Variants in PIGT observed in about 807,000 individuals in gnomAD.
PIGT encodes the protein GPI-anchor transamidase component PIGT.
A neutral mutation model predicts 66.7 loss-of-function variants in PIGT; 57 were observed. The ratio of observed to expected loss-of-function variants is 0.86; its 90% CI spans 0.69 to 1.07. PIGT has a LOEUF of 1.07. Among genes scored for constraint, PIGT ranks in the 50% least tolerant of loss-of-function variants. PIGT has a pLI of 0.00. For synonymous variants in PIGT, 362 were observed against 320.5 expected (o/e 1.13, Z -1.38); for missense variants, 725 against 740.4 (o/e 0.98, Z 0.24).
In PIGT at chr20:45,416,187, G is replaced by C; in HGVS notation, c.31G>C (p.Val11Leu). Residue 11 changes from valine to leucine, a missense_variant, in exon 1 of 12, where the codon GTC (valine) becomes CTC (leucine). Physicochemically the swap from Val to Leu is conservative, Grantham distance 32 (BLOSUM62 1). Transcript: ENST00000279036. MAAAMPLALLVLLLLGPGGWC... is the reference protein window; with the variant it reads MAAAMPLALLLLLLLGPGGWC... ...GGCGGCTATGCCGCTTGCTCTGCTCGTCCTGTTGCTCCTGGGGCCCGGCGG... is the reference window on the plus strand; with the variant it reads ...GGCGGCTATGCCGCTTGCTCTGCTCCTCCTGTTGCTCCTGGGGCCCGGCGG... The C allele has an allele frequency of 6.3e-7, 1 of 1,585,634 alleles. No homozygotes were observed. Among genetic ancestry groups the C allele is most frequent in the Non-Finnish European group, 8.6e-7 (1 of 1,167,376 alleles).
chr20:45,416,748 G>C (rs1411181926), intron 2 of PIGT, 54 bp downstream of exon 2: 5 of 1,507,106 alleles, frequency 3.3e-6, no homozygotes, highest in Non-Finnish European at 3.6e-6. Context: ...GTGGCTGGGA[G>C]AGTGTTGTCA....
chr20:45,425,378 C>G lies in PIGT; in HGVS notation c.1485-196C>G, dbSNP rs1208266225. 5.1e-6 allele frequency: 3 copies of G among 590,256 alleles called. No individual in the cohort carries two copies. In the African/African-American group the frequency reaches 5.6e-5, roughly 11 times the overall value. 36.6% of individuals were successfully genotyped at this position (590,256 alleles called of 1,614,324 possible). ...TGCATTAGGTATTTGTCCTAATGCT[C>G]TCCCTCCCCTTGCCCCCCGCCCGCC... On this transcript the variant is annotated intron_variant, in intron 11 of 11. Coordinates refer to ENST00000279036, the MANE Select transcript of PIGT (RefSeq NM_015937.6).
intron 2 of PIGT, chr20:45,418,235 A>C (rs1369221391): frequency 6.2e-6 from 1 of 161,570 alleles, no homozygotes; most frequent in Non-Finnish European, 1.4e-5. Flanking sequence ...GAGTATACAC[A>C]GGGTAGTATG....
Position 45,425,580 on chromosome 20 carries a change from A to G in PIGT, c.1491A>G (p.Pro497=), listed in dbSNP as rs1990694139. The change falls in exon 12 of 12, where the codon CCA becomes CCG. Residue 497 remains proline (P), a synonymous_variant. Transcript: ENST00000279036. ...GCTCTTCCCCTGACCCCAGGTTCCC[A>G]GTCTCTGATGGCTCTAACTACTTTG... ...EESPLFNSLF[P]VSDGSNYFVR... is the part of the protein sequence containing the mutation. The G allele has an allele frequency of 6.2e-7, 1 of 1,613,510 alleles. No individual in the cohort carries two copies. Among genetic ancestry groups the G allele is most frequent in the Non-Finnish European group, 8.5e-7 (1 of 1,179,790 alleles).
At chr20:45,419,014 C>T (rs758740259) in intron 3 of PIGT, 35 bp downstream of exon 3, 1 of 1,613,544 alleles carries the variant, frequency 6.2e-7, no homozygotes, top group Admixed American at 1.7e-5. Context: ...CCTTCTTCCT[C>T]TTACCTCCTG....
chr20:45,424,610 T>C, intron 11 of PIGT, 31 bp downstream of exon 11: 1 of 1,567,492 alleles, frequency 6.4e-7, no homozygotes, highest in Non-Finnish European at 8.8e-7. Flanking sequence ...TGATAACACA[T>C]CCTCAGCTGC....
rs1404850410 is a variant in PIGT at position 45,421,389 on chromosome 20, C to A, written c.1040C>A (p.Pro347His). Residue 347 changes from proline (P) to histidine (H), a missense_variant, in exon 9 of 12, where the codon CCC becomes CAC. Pro to His is a moderately conservative substitution (Grantham distance 77, BLOSUM62 -2). Coordinates refer to ENST00000279036, the MANE Select transcript of PIGT (RefSeq NM_015937.6). Reference sequence around the variant, plus strand: ...TTGATATTTCTTTACACAGAGGCCCCCCCAGTGCCCTTCCTGCATGCCCAG... The same window carrying A: ...TTGATATTTCTTTACACAGAGGCCCACCCAGTGCCCTTCCTGCATGCCCAG... ...KWKRPPENEA[P>H]PVPFLHAQRY... 6.2e-7 allele frequency: 1 copy of A among 1,613,534 alleles called. No individual in the cohort carries two copies. The highest frequency in any genetic ancestry group is 8.5e-7 in the Non-Finnish European group (1 of 1,179,602).
Position 45,418,844 on chromosome 20 carries a change from C to T in PIGT, c.366-8C>T. 1 of 1,613,734 alleles carries T rather than the reference C, an allele frequency of 6.2e-7. No homozygotes were observed. The highest frequency in any genetic ancestry group is 8.5e-7 in the Non-Finnish European group (1 of 1,179,740). ...CAGGACAGTGAGTGGATTTGTGTCT[C>T]TATCCAGTGTGGATAAATCTTGGAA... On this transcript the variant is annotated splice_polypyrimidine_tract_variant and splice_region_variant and intron_variant, in intron 2 of 11. Coordinates refer to ENST00000279036, the MANE Select transcript of PIGT (RefSeq NM_015937.6).
Position 45,416,590 on chromosome 20 carries a change from G to A in PIGT, c.261G>A (p.Leu87=), listed in dbSNP as rs1172349803. ...ISKYSLRELH[L]SFTQGFWRTR... ...AGTATTCTCTACGGGAGCTGCACCTGTCATTCACACAAGGCTTTTGGAGGA... is the reference window on the plus strand; with the variant it reads ...AGTATTCTCTACGGGAGCTGCACCTATCATTCACACAAGGCTTTTGGAGGA... Residue 87 remains leucine, a synonymous_variant, in exon 2 of 12, where the codon CTG becomes CTA. Coordinates refer to ENST00000279036, the MANE Select transcript of PIGT (RefSeq NM_015937.6). The A allele has an allele frequency of 6.2e-7, 1 of 1,614,084 alleles. No individual in the cohort carries two copies. Among genetic ancestry groups the A allele is most frequent in the South Asian group, 1.1e-5 (1 of 91,086 alleles).
At position 45,416,178 on chromosome 20, in the gene PIGT, G is replaced by C. The variant is rs569386009; in HGVS notation, c.22G>C (p.Ala8Pro). 16 of 1,579,770 alleles carry C rather than the reference G, an allele frequency of 1.0e-5. No homozygotes were observed. The highest frequency in any genetic ancestry group is 2.3e-5 in the East Asian group (1 of 42,628). The change falls in exon 1 of 12, where the codon GCT becomes CCT. Residue 8 changes from alanine to proline, a missense_variant. This residue lies in a region of PIGT where 559 missense variants were observed against 552.7 expected (regional missense o/e 1.01). Transcript: ENST00000279036. The stretch of plus-strand genomic sequence containing the variant: ...AGGCATGGCGGCGGCTATGCCGCTT[G>C]CTCTGCTCGTCCTGTTGCTCCTGGG... MAAAMPL[A>P]LLVLLLLGPG...
At chr20:45,422,289 A>G (rs1195667002) in intron 9 of PIGT, 1 of 152,192 alleles carries the variant, frequency 6.6e-6, no homozygotes, top group Non-Finnish European at 1.5e-5. Context: ...TTTCAGCACC[A>G]TTATTTGTAC....
chr20:45,416,704 C>T lies in PIGT; in HGVS notation c.365+10C>T. ...AAGACACTGTCACTGAGTGAGTGCA[C>T]ACCTTGGGCCCTGTTGCAGGCCATG... On this transcript the variant is annotated intron_variant, in intron 2 of 11. Transcript: ENST00000279036. The T allele has an allele frequency of 6.2e-7, 1 of 1,605,956 alleles. No individual in the cohort carries two copies. The highest frequency in any genetic ancestry group is 8.5e-7 in the Non-Finnish European group (1 of 1,176,294).
chr20:45,416,176 T>G lies in PIGT; in HGVS notation c.20T>G (p.Leu7Arg). Residue 7 changes from leucine to arginine, a missense_variant, in exon 1 of 12, where the codon CTT becomes CGT. Coordinates refer to ENST00000279036, the MANE Select transcript of PIGT (RefSeq NM_015937.6). MAAAMP[L>R]ALLVLLLLGP... ...GCAGGCATGGCGGCGGCTATGCCGC[T>G]TGCTCTGCTCGTCCTGTTGCTCCTG... 6.3e-7 allele frequency: 1 copy of G among 1,578,130 alleles called. No homozygotes were observed. The highest frequency in any genetic ancestry group is 8.6e-7 in the Non-Finnish European group (1 of 1,163,778).
At position 45,426,152 on chromosome 20, in the gene PIGT, G is replaced by C. The variant is rs915774066; in HGVS notation, c.*326G>C. 3 of 402,522 alleles carry C rather than the reference G, an allele frequency of 7.5e-6. No individual in the cohort carries two copies. The highest frequency in any genetic ancestry group is 1.4e-5 in the Non-Finnish European group (3 of 218,798). The allele number at this position is 402,522 out of a possible 1,614,324, so 24.9% of individuals were successfully genotyped here. On this transcript the variant is annotated 3_prime_UTR_variant, in exon 12 of 12. Coordinates refer to ENST00000279036, the MANE Select transcript of PIGT (RefSeq NM_015937.6). ...CACAGAAAGGTCGGCTGGCAGCACT[G>C]GCCAAGGTGATGGGGTGTGCTACAC... is the stretch of plus-strand genomic sequence containing the variant.
rs1990193467 is a variant in PIGT at position 45,419,340 on chromosome 20, T to C, written c.539T>C (p.Val180Ala). The change falls in exon 4 of 12, where the codon GTG (valine) becomes GCG (alanine). Residue 180 changes from valine (V) to alanine (A), a missense_variant. Val to Ala is a moderately conservative substitution (Grantham distance 64). Coordinates refer to ENST00000279036, the MANE Select transcript of PIGT (RefSeq NM_015937.6). ...CGCTATGCTGTGCTGCCGCGGGAGG[T>C]GGTCTGCACCGAAAACCTCACCCCC... is the stretch of plus-strand genomic sequence containing the variant. The part of the protein sequence containing the change: ...FLRYAVLPRE[V>A]VCTENLTPWK... 6.2e-7 allele frequency: 1 copy of C among 1,613,916 alleles called. No homozygotes were observed.
chr20:45,416,169 ATGCCGC>A lies in PIGT; in HGVS notation c.15_20del (p.Met5_Leu7delinsIle). 1 of 1,569,888 alleles carries A rather than the reference ATGCCGC, an allele frequency of 6.4e-7. No homozygotes were observed. The highest frequency in any genetic ancestry group is 8.6e-7 in the Non-Finnish European group (1 of 1,159,554). ...AGTAGCCGCAGGCATGGCGGCGGCT[ATGCCGC>A]TTGCTCTGCTCGTCCTGTTGCTCCT... On this transcript the variant is annotated inframe_deletion, in exon 1 of 12. Transcript: ENST00000279036.
chr20:45,424,044 C>T (rs1990556112), intron 9 of PIGT, 172 bp from the exon 10 acceptor site: 1 of 623,890 alleles, frequency 1.6e-6, no homozygotes, highest in Admixed American at 2.7e-5. Flanking sequence ...GCCCTGGAAA[C>T]ATCCTCTCCC....
chr20:45,418,877 A>G lies in PIGT; in HGVS notation c.391A>G (p.Ser131Gly), dbSNP rs1321858580. 1.1e-5 allele frequency: 17 copies of G among 1,614,040 alleles called. No homozygotes were observed. The highest frequency in any genetic ancestry group is 1.3e-5 in the Non-Finnish European group (15 of 1,179,914). Residue 131 changes from serine to glycine, a missense_variant, in exon 3 of 12, where the codon AGT becomes GGT. Transcript: ENST00000279036. ...TDVDKSWKEL[S>G]NVLSGIFCAS... ...TGTGGATAAATCTTGGAAGGAGCTC[A>G]GTAATGTCCTCTCAGGGATCTTCTG...
chr20:45,425,207 C>G (rs372001751), intron 11 of PIGT: 1 of 87,762 alleles, frequency 1.1e-5, no homozygotes. Flanking sequence ...TTCTTTCTTT[C>G]TCTTTCTTTC....
Sources: gnomAD v4.1 joint callset for allele counts on GRCh38, gnomAD v4.1.1 for gene constraint, gnomAD v4.1.1 regional missense constraint, MANE v1.5 for transcripts, NCBI Gene and HGNC (gene_info 2026-07-23, HGNC 2026-07-21) for gene names.